CPS1: variants seen among roughly 807,000 people sequenced by gnomAD.
CPS1 encodes the protein carbamoyl-phosphate synthase 1.
A neutral mutation model predicts 174.6 loss-of-function variants in CPS1; 109 were observed. That is an observed-to-expected ratio of 0.62 (90% CI 0.53 to 0.73). The LOEUF is 0.73. CPS1 is among the 30% of genes least tolerant of loss of function. The pLI is 0.00. For synonymous variants in CPS1, 637 were observed against 632.0 expected (o/e 1.01, Z -0.12); for missense variants, 1,689 against 1,821.9 (o/e 0.93, Z 1.33).
At chr2:210,548,020 CATTT>C (rs1696607765) in intron 1 of CPS1, among the ~76,000 whole-genome samples, 1 of 152,070 alleles carries the variant, frequency 6.6e-6, no homozygotes, top group South Asian at 2.1e-4. Flanking sequence ...GAAAAACAGA[CATTT>C]ATGGACAAGT....
rs1191587211 is a variant in CPS1 at position 210,639,196 on chromosome 2, A to G, written c.2876A>G (p.Tyr959Cys). The change falls in exon 23 of 38, where the codon TAT (tyrosine) becomes TGT (cysteine). Residue 959 changes from tyrosine to cysteine, a missense_variant. Transcript: ENST00000233072. ...TACCCATCAGTAACAAACTATCTCT[A>G]TGTTACCTACAATGGTCAGGTAGGA... is the stretch of plus-strand genomic sequence containing the variant. ...AEYPSVTNYL[Y>C]VTYNGQEHDV... The G allele has an allele frequency of 1.1e-5, 17 of 1,612,932 alleles. No homozygotes were observed. Among genetic ancestry groups the G allele is most frequent in the Non-Finnish European group, 1.4e-5 (16 of 1,179,014 alleles).
chr2:210,576,600 C>G, intron 3 of CPS1, 110 bp downstream of exon 3: 1 of 1,111,734 alleles, frequency 9.0e-7, no homozygotes, highest in Non-Finnish European at 1.4e-6. Flanking sequence ...TAGTACAAAT[C>G]ATTAAGCTCA....
intron 1 of CPS1, among the ~76,000 whole-genome samples, chr2:210,548,470 TA>T (rs1353505790): frequency 6.6e-6 from 1 of 152,058 alleles, no homozygotes; most frequent in African/African-American, 2.4e-5. Context: ...ATGATCTTGA[TA>T]GGGGCAAGTA....
At chr2:210,658,772 G>A (rs1700810264) in intron 31 of CPS1, 84 bp downstream of exon 31, 2 of 1,016,738 alleles carry the variant, frequency 2.0e-6, no homozygotes, top group Non-Finnish European at 3.1e-6. Context: ...TCTTCTCTGT[G>A]AACACCAGAC....
intron 1 of CPS1, among the ~76,000 whole-genome samples, chr2:210,515,567 G>T (rs1317752416): frequency 6.6e-6 from 1 of 151,392 alleles, no homozygotes; most frequent in Non-Finnish European, 1.5e-5. Flanking sequence ...TGTTGTTTCT[G>T]ATTGTGCTTA....
At chr2:210,516,688 C>T (rs1294431990) in intron 1 of CPS1, among the ~76,000 whole-genome samples, 4 of 151,916 alleles carry the variant, frequency 2.6e-5, no homozygotes, top group African/African-American at 9.7e-5. Flanking sequence ...ACCCCCACCT[C>T]ATCTTTTGCA....
intron 20 of CPS1, among the ~76,000 whole-genome samples, chr2:210,614,077 A>T (rs1410903009): frequency 6.6e-6 from 1 of 151,930 alleles, no homozygotes; most frequent in Non-Finnish European, 1.5e-5. Flanking sequence ...TTATTTCAGG[A>T]TGACTGGATC....
Position 210,674,932 on chromosome 2 carries a change from G to T in CPS1, c.4132G>T (p.Ala1378Ser). 1 of 1,613,868 alleles carries T rather than the reference G, an allele frequency of 6.2e-7. No homozygotes were observed. Among genetic ancestry groups the T allele is most frequent in the Admixed American group, 1.7e-5 (1 of 60,016 alleles). ...ATTCCGGCCAAGATTCCTTGGTGTG[G>T]CTGAACAATTACACAATGAAGGTTT... ...QSFRPRFLGVAEQLHNEGFKL... is the reference protein window; with the variant it reads ...QSFRPRFLGVSEQLHNEGFKL... Residue 1378 changes from alanine to serine, a missense_variant, in exon 35 of 38, where the codon GCT becomes TCT. Physicochemically the swap from Ala to Ser is moderately conservative, Grantham distance 99. Transcript: ENST00000233072.
At chr2:210,595,410 G>A (rs1698451005) in intron 12 of CPS1, 77 bp from the exon 13 acceptor site, 6 of 1,007,362 alleles carry the variant, frequency 6.0e-6, no homozygotes, top group Non-Finnish European at 9.5e-6. Context: ...AATGTGGTTT[G>A]TCTTCTCCAA....
In CPS1 at chr2:210,613,407, C is replaced by T. The variant is rs1028629477; in HGVS notation, c.2568+1114C>T. On this transcript the variant is annotated intron_variant, in intron 20 of 37. Transcript: ENST00000233072. ...CTATTATCTCTTGATGGACATTTTC[C>T]CATGTTGAGTTTCAAGGTAATTAGA... 5.3e-5 allele frequency among the ~76,000 whole-genome samples: 8 copies of T among 151,740 alleles called. No homozygotes were observed. The East Asian group carries it at 1.6e-3, about 30-fold the overall frequency.
chr2:210,670,883 G>C (rs779186732), intron 34 of CPS1, among the ~76,000 whole-genome samples: 28 of 152,060 alleles, frequency 1.8e-4, no homozygotes, highest in Non-Finnish European at 3.5e-4. Flanking sequence ...CTTATAACTA[G>C]GACTTAGGAT....
chr2:210,618,477 G>A (rs913652486), intron 21 of CPS1: 6 of 152,062 alleles, frequency 3.9e-5, no homozygotes, highest in African/African-American at 7.2e-5. Flanking sequence ...GATCCACGGC[G>A]TTAGCAAACC....
chr2:210,591,809 C>A (rs193296466), intron 9 of CPS1, 22 bp from the exon 10 acceptor site: 2 of 1,610,516 alleles, frequency 1.2e-6, no homozygotes, highest in African/African-American at 1.3e-5. Context: ...TTTCCCTATT[C>A]TTTTTCTCCT....
At chr2:210,596,926 T>G (rs1171030750) in intron 13 of CPS1, among the ~76,000 whole-genome samples, 1 of 151,880 alleles carries the variant, frequency 6.6e-6, no homozygotes, top group Non-Finnish European at 1.5e-5. Flanking sequence ...TAGAGGTGGA[T>G]TTTTAAACTA....
At chr2:210,563,669 G>A (rs1226850414) in intron 1 of CPS1, among the ~76,000 whole-genome samples, 1 of 152,166 alleles carries the variant, frequency 6.6e-6, no homozygotes. Context: ...CAATACATGA[G>A]CAATGAGTAG....
At chr2:210,549,776 A>C (rs1367929355) in intron 1 of CPS1, among the ~76,000 whole-genome samples, 1 of 152,100 alleles carries the variant, frequency 6.6e-6, no homozygotes, top group African/African-American at 2.4e-5. Flanking sequence ...TAGGTTTTCA[A>C]TTTTCTACAA....
intron 1 of CPS1, among the ~76,000 whole-genome samples, chr2:210,543,805 GA>G (rs1696492244): frequency 6.6e-6 from 1 of 151,942 alleles, no homozygotes; most frequent in Non-Finnish European, 1.5e-5. Context: ...TGTAATAAAA[GA>G]TACTCAACTT....
chr2:210,551,756 A>G (rs1350842802), upstream of CPS1, among the ~76,000 whole-genome samples: 1 of 151,964 alleles, frequency 6.6e-6, no homozygotes, highest in Non-Finnish European at 1.5e-5. Context: ...TCTATTCCTC[A>G]AAATGCCAAT....
Position 210,591,898 on chromosome 2 carries a change from T to C in CPS1, c.1015T>C (p.Tyr339His). 6.2e-7 allele frequency: 1 copy of C among 1,612,550 alleles called. No homozygotes were observed. The highest frequency in any genetic ancestry group is 8.5e-7 in the Non-Finnish European group (1 of 1,179,076). Residue 339 changes from tyrosine to histidine, a missense_variant, in exon 10 of 38, where the codon TAT becomes CAT. Transcript: ENST00000233072. ...TTTCATTACTGCTCAGAATCATGGCTATGCCTTGGACAACACCCTCCCTGC... is the reference window on the plus strand; with the variant it reads ...TTTCATTACTGCTCAGAATCATGGCCATGCCTTGGACAACACCCTCCCTGC... ...QAFITAQNHG[Y>H]ALDNTLPAGW... is the part of the protein sequence containing the mutation.
Sources: allele counts gnomAD v4.1 joint callset (sites outside exome capture counted in the v4.1 genomes callset), GRCh38; gene constraint gnomAD v4.1.1; transcripts MANE v1.5; gene names NCBI Gene and HGNC (gene_info 2026-07-23, HGNC 2026-07-21).